Variants in DRC3 observed in about 807,000 individuals in gnomAD.
DRC3 encodes leucine rich repeat containing 48.
A neutral mutation model predicts 57.6 loss-of-function variants in DRC3; 45 were observed. That is an observed-to-expected ratio of 0.78 (90% CI 0.62 to 1.00). The LOEUF is 1.00. DRC3 is among the 50% of genes least tolerant of loss of function. The pLI, the probability that DRC3 is intolerant of heterozygous loss-of-function variation, is 0.00. For missense variants in DRC3, 655 were observed against 675.2 expected (o/e 0.97, Z 0.33); for synonymous variants, 257 against 272.3 (o/e 0.94, Z 0.55).
chr17:18,004,244 A>T, intron 9 of DRC3, 119 bp from the exon 10 acceptor site: 1 of 1,077,326 alleles, frequency 9.3e-7, no homozygotes, highest in Non-Finnish European at 1.4e-6. Context: ...CAAAGCTGAG[A>T]CTTGCACTTG....
intron 2 of DRC3, among the ~76,000 whole-genome samples, chr17:17,975,056 A>G (rs1156294259): frequency 6.6e-6 from 1 of 152,224 alleles, no homozygotes; most frequent in Admixed American, 6.5e-5. Context: ...TAGCATATGT[A>G]ATAACAATCC....
At chr17:17,983,803 CTG>C (rs2042827253) in intron 3 of DRC3, 23 bp from the exon 4 acceptor site, 1 of 1,556,612 alleles carries the variant, frequency 6.4e-7, no homozygotes, top group East Asian at 2.2e-5. Context: ...TAACCTGAGA[CTG>C]AAATCACCTT....
At chr17:17,980,207 C>T (rs1191448144) in intron 3 of DRC3, among the ~76,000 whole-genome samples, 2 of 152,148 alleles carry the variant, frequency 1.3e-5, no homozygotes, top group Non-Finnish European at 2.9e-5. Context: ...GGCTCTGCCC[C>T]TCTGAATGAA....
chr17:17,995,220 G>A (rs779776072), intron 8 of DRC3, 109 bp downstream of exon 8: 89 of 754,682 alleles, frequency 1.2e-4, no homozygotes, highest in Non-Finnish European at 1.8e-4. Context: ...TAAGACCTTG[G>A]GAGGTAAAAT....
chr17:17,994,202 A>G, intron 6 of DRC3, 97 bp from the exon 7 acceptor site: 3 of 1,481,746 alleles, frequency 2.0e-6, no homozygotes, highest in South Asian at 1.3e-5. Flanking sequence ...ACCCCTGCCC[A>G]TGCGCGGGAG....
intron 8 of DRC3, among the ~76,000 whole-genome samples, chr17:17,995,456 A>G (rs746443273): frequency 6.6e-6 from 1 of 152,126 alleles, no homozygotes; most frequent in Non-Finnish European, 1.5e-5. Context: ...TCTGGCATTT[A>G]TTGTTTTCTC....
At chr17:18,007,661 G>A (rs777548190) in intron 12 of DRC3, 4 of 1,361,194 alleles carry the variant, frequency 2.9e-6, no homozygotes, top group African/African-American at 1.5e-5. Context: ...GGGTCTGCAC[G>A]CTAAGAAGGC....
chr17:17,987,095 G>A (rs1255128265), intron 4 of DRC3, among the ~76,000 whole-genome samples: 2 of 151,460 alleles, frequency 1.3e-5, no homozygotes, highest in African/African-American at 4.9e-5. Flanking sequence ...TATACCTGTG[G>A]TCCAGTCTAC....
At chr17:18,007,700 G>A (rs12150369) in intron 12 of DRC3, 467,190 of 1,287,456 alleles carry the variant, frequency 0.36, 96,063 homozygotes, top group East Asian at 0.89. Context: ...TGGGTCCCGC[G>A]GCAGCATGTC....
At chr17:17,988,277 C>T (rs1341712696) in intron 5 of DRC3, 179 bp downstream of exon 5, 6 of 643,642 alleles carry the variant, frequency 9.3e-6, no homozygotes, top group Non-Finnish European at 1.2e-5. Flanking sequence ...AAATACCATG[C>T]TTACCCAACA....
chr17:17,990,720 G>A (rs772006961), intron 5 of DRC3, among the ~76,000 whole-genome samples: 2 of 152,180 alleles, frequency 1.3e-5, no homozygotes, highest in Admixed American at 6.5e-5. Context: ...GGCCGGGCCC[G>A]GTGGTTCACA....
intron 10 of DRC3, 41 bp downstream of exon 10, chr17:18,004,535 TGCAGCTGCACATCCATAGGTGAACTGTA>T (rs761844865): frequency 6.3e-7 from 1 of 1,591,056 alleles, no homozygotes; most frequent in Non-Finnish European, 8.6e-7. Context: ...AATCTGGCGA[TGCAGCTGCACATCCATAGGTGAACTGTA>T]GCCTTCATGG....
chr17:17,991,674 A>AACATTAGATTGCACCAATCTAATG (rs1217524408), intron 5 of DRC3, among the ~76,000 whole-genome samples: 1 of 152,196 alleles, frequency 6.6e-6, no homozygotes, highest in Non-Finnish European at 1.5e-5. Context: ...CCAATCTAAT[A>AACATTAGATTGCACCAATCTAATG]TTAACTACCT....
intron 3 of DRC3, chr17:17,981,463 G>A: frequency 6.3e-6 from 1 of 158,024 alleles, no homozygotes; most frequent in Non-Finnish European, 1.4e-5. Flanking sequence ...GCAAGGGATG[G>A]GCAGCAGGGA....
intron 12 of DRC3, among the ~76,000 whole-genome samples, chr17:18,013,578 A>G (rs1196097601): frequency 6.6e-6 from 1 of 152,238 alleles, no homozygotes; most frequent in Non-Finnish European, 1.5e-5. Context: ...CATATGCCGA[A>G]GCTAAAAAAG....
intron 5 of DRC3, among the ~76,000 whole-genome samples, chr17:17,991,123 C>CCTGCTAGGTGACTAATAGTGTTTG (rs912568941): frequency 1.3e-5 from 2 of 152,058 alleles, no homozygotes; most frequent in African/African-American, 2.4e-5. Context: ...ATGCCGGAGG[C>CCTGCTAGGTGACTAATAGTGTTTG]CTGCTAGGTG....
intron 4 of DRC3, among the ~76,000 whole-genome samples, chr17:17,984,581 G>A (rs1390322594): frequency 6.6e-6 from 1 of 152,168 alleles, no homozygotes; most frequent in Non-Finnish European, 1.5e-5. Context: ...ATGGGCCTGA[G>A]AGCTCCTTAT....
chr17:17,983,522 A>C (rs1265637033), intron 3 of DRC3, among the ~76,000 whole-genome samples: 3 of 152,098 alleles, frequency 2.0e-5, no homozygotes, highest in Non-Finnish European at 4.4e-5. Flanking sequence ...TGGCCCCAGA[A>C]ACAGCACAAG....
At chr17:18,001,535 G>T (rs1207087934) in intron 9 of DRC3, among the ~76,000 whole-genome samples, 1 of 152,070 alleles carries the variant, frequency 6.6e-6, no homozygotes, top group African/African-American at 2.4e-5. Context: ...TACTTTGTAG[G>T]AGCTCTTTGT....
Sources: allele counts gnomAD v4.1 joint callset (sites outside exome capture counted in the v4.1 genomes callset), GRCh38; gene constraint gnomAD v4.1.1; transcripts MANE v1.5; gene names NCBI Gene and HGNC (gene_info 2026-07-23, HGNC 2026-07-21).